The following DGKI variants were observed in gnomAD, a reference collection of about 807,000 sequenced individuals.
DGKI encodes DAG kinase iota.
A neutral mutation model predicts 147.5 loss-of-function variants in DGKI; 55 were observed. That is an observed-to-expected ratio of 0.37 (90% CI 0.30 to 0.47). The LOEUF is 0.47. Ranked by LOEUF, DGKI falls within the 20% of genes least tolerant of loss-of-function variation. The pLI is 1.00. For synonymous variants in DGKI, 469 were observed against 477.1 expected (o/e 0.98, Z 0.22); for missense variants, 1,007 against 1,323.8 (o/e 0.76, Z 3.71).
chr7:137,737,782 G>C (rs552499307), intron 1 of DGKI, among the ~76,000 whole-genome samples: 1 of 152,230 alleles, frequency 6.6e-6, no homozygotes, highest in Admixed American at 6.5e-5. Context: ...GCAAAGTGTG[G>C]CAGAATAAAT....
At chr7:137,630,562 A>G (rs1274038871) in intron 6 of DGKI, among the ~76,000 whole-genome samples, 3 of 152,182 alleles carry the variant, frequency 2.0e-5, no homozygotes. Context: ...CGATATCTTC[A>G]TTTCAGAAGC....
chr7:137,480,073 T>C (rs1286084062), intron 23 of DGKI, among the ~76,000 whole-genome samples: 2 of 152,130 alleles, frequency 1.3e-5, no homozygotes, highest in African/African-American at 2.4e-5. Flanking sequence ...AAATAAGCAA[T>C]ATTCTAACAT....
intron 3 of DGKI, among the ~76,000 whole-genome samples, chr7:137,672,431 G>A (rs563208138): frequency 2.0e-5 from 3 of 152,296 alleles, no homozygotes; most frequent in East Asian, 3.9e-4. Context: ...TAGGAAAACT[G>A]CAAACATTGT....
chr7:137,627,288 C>T (rs895591338), intron 6 of DGKI, among the ~76,000 whole-genome samples: 15 of 152,166 alleles, frequency 9.9e-5, no homozygotes, highest in Non-Finnish European at 1.8e-4. Context: ...AATAGCTGCC[C>T]TATGTGGCTG....
intron 8 of DGKI, 21 bp from the exon 9 acceptor site, chr7:137,609,630 G>A (rs1238852886): frequency 1.9e-6 from 3 of 1,597,972 alleles, no homozygotes; most frequent in Non-Finnish European, 2.6e-6. Context: ...AGAGAGAAAT[G>A]CCTGAGCTCA....
chr7:137,468,082 A>G (rs1181528343), intron 24 of DGKI, among the ~76,000 whole-genome samples: 1 of 152,180 alleles, frequency 6.6e-6, no homozygotes, highest in Non-Finnish European at 1.5e-5. Context: ...GATTTTCTAC[A>G]AAACAAACAG....
intron 1 of DGKI, among the ~76,000 whole-genome samples, chr7:137,762,153 A>G (rs1795874216): frequency 6.6e-6 from 1 of 152,176 alleles, no homozygotes; most frequent in Non-Finnish European, 1.5e-5. Flanking sequence ...TTTAATGCCA[A>G]TGTGACCAGT....
intron 10 of DGKI, among the ~76,000 whole-genome samples, chr7:137,602,091 T>C (rs576591664): frequency 6.6e-5 from 10 of 152,326 alleles, no homozygotes; most frequent in African/African-American, 2.4e-4. Context: ...TTATGTTTAA[T>C]AGGTAACACA....
intron 2 of DGKI, among the ~76,000 whole-genome samples, chr7:137,683,591 T>G (rs533227270): frequency 6.6e-6 from 1 of 152,284 alleles, no homozygotes; most frequent in South Asian, 2.1e-4. Context: ...TGGTGCCACG[T>G]TTTTGTTCAT....
At chr7:137,653,286 T>G (rs1265205631) in intron 5 of DGKI, among the ~76,000 whole-genome samples, 2 of 152,262 alleles carry the variant, frequency 1.3e-5, no homozygotes, top group African/African-American at 4.8e-5. Flanking sequence ...CACGTCACCA[T>G]TATTTCTTGC....
chr7:137,604,508 G>A (rs1820103291), intron 10 of DGKI, among the ~76,000 whole-genome samples: 1 of 152,170 alleles, frequency 6.6e-6, no homozygotes, highest in Non-Finnish European at 1.5e-5. Flanking sequence ...AGATGGTGGT[G>A]TAAACTCAGC....
chr7:137,734,561 T>C (rs1794970683), intron 1 of DGKI, among the ~76,000 whole-genome samples: 1 of 152,004 alleles, frequency 6.6e-6, no homozygotes, highest in Non-Finnish European at 1.5e-5. Flanking sequence ...GAGAGGCCCC[T>C]GTGACTAGGG....
chr7:137,412,293 A>T, intron 28 of DGKI, 86 bp from the exon 29 acceptor site: 1 of 1,262,346 alleles, frequency 7.9e-7, no homozygotes, highest in Non-Finnish European at 1.2e-6. Context: ...ATTTTGGATA[A>T]GTAGTCTACA....
chr7:137,838,425 G>A (rs971928458), intron 1 of DGKI, among the ~76,000 whole-genome samples: 7 of 152,044 alleles, frequency 4.6e-5, no homozygotes, highest in Non-Finnish European at 7.4e-5. Flanking sequence ...AATGATACAC[G>A]GAACCCTTTC....
Position 137,581,752 on chromosome 7 carries a change from A to G in DGKI, c.1642+98T>C, listed in dbSNP as rs1416007649. The G allele has an allele frequency of 6.0e-6, 6 of 1,001,950 alleles. No individual in the cohort carries two copies. In the East Asian group the frequency reaches 1.2e-4, roughly 20 times the overall value. The allele number at this position is 1,001,950 out of a possible 1,614,324, so 62.1% of individuals were successfully genotyped here. ...TTAAAATGAAACAACACTGAAGCAC[A>G]CTGTAAACGCGTAAGTGATATACAA... is the stretch of plus-strand genomic sequence containing the variant. On this transcript the variant is annotated intron_variant, in intron 15 of 32. Transcript: ENST00000614521.
intron 20 of DGKI, among the ~76,000 whole-genome samples, chr7:137,526,214 C>T (rs1280489243): frequency 6.6e-6 from 1 of 152,030 alleles, no homozygotes; most frequent in Non-Finnish European, 1.5e-5. Context: ...AAGAGACAAA[C>T]ATCCTGGGTA....
chr7:137,528,265 T>C (rs759790915), intron 20 of DGKI, among the ~76,000 whole-genome samples: 97 of 151,718 alleles, frequency 6.4e-4, no homozygotes, highest in Non-Finnish European at 1.0e-3. Context: ...CCACTTTTTA[T>C]CTCCAGTAGA....
At chr7:137,501,558 A>G (rs1196097258) in intron 21 of DGKI, among the ~76,000 whole-genome samples, 1 of 152,166 alleles carries the variant, frequency 6.6e-6, no homozygotes, top group Non-Finnish European at 1.5e-5. Context: ...AATTTCCTCA[A>G]GTGAATTATT....
At chr7:137,472,335 A>ACATTAAATATTATATG (rs1218423235) in intron 23 of DGKI, among the ~76,000 whole-genome samples, 1,168 of 115,646 alleles carry the variant, frequency 0.01, 205 homozygotes, top group African/African-American at 0.047. Flanking sequence ...ATATGTATAT[A>ACATTAAATATTATATG]TACATATAAT....
Sources: allele counts gnomAD v4.1 joint callset (sites outside exome capture counted in the v4.1 genomes callset), GRCh38; gene constraint gnomAD v4.1.1; transcripts MANE v1.5; gene names NCBI Gene and HGNC (gene_info 2026-07-23, HGNC 2026-07-21).